Variants in STAG2 observed in about 807,000 individuals in gnomAD.
STAG2 encodes the protein cohesin subunit SA-2.
STAG2 carries 14 observed loss-of-function variants against 108.1 expected under a neutral mutation model. The ratio of observed to expected loss-of-function variants is 0.13; its 90% CI spans 0.09 to 0.20. The LOEUF is 0.20. Among genes scored for constraint, STAG2 ranks in the 10% least tolerant of loss-of-function variants. The pLI is 1.00. For synonymous variants in STAG2, 307 were observed against 302.7 expected, an observed-to-expected ratio of 1.01 and a Z score of -0.15; for missense variants, 440 against 940.9, an observed-to-expected ratio of 0.47 and a Z score of 6.96.
chrX:124,039,369 G>A (rs1289828008), intron 6 of STAG2, among the ~76,000 whole-genome samples: 2 of 109,383 alleles, frequency 1.8e-5, no homozygotes, highest in East Asian at 2.9e-4. Context: ...GTTTTGCCAT[G>A]TTGCCCAGGC....
Position 124,030,980 on chromosome X carries a change from A to G in STAG2, c.143A>G (p.Lys48Arg), listed in dbSNP as rs745799850. Residue 48 changes from lysine to arginine, a missense_variant, in exon 5 of 35, where the codon AAG becomes AGG. Lys to Arg is a conservative substitution (Grantham distance 26). Coordinates refer to ENST00000371145, the MANE Select transcript of STAG2 (RefSeq NM_001042750.2). ...GKGKTCKKGKKGPAEKGKGGN... is the reference protein window; with the variant it reads ...GKGKTCKKGKRGPAEKGKGGN... The stretch of plus-strand genomic sequence containing the variant: ...ATGCAGACTTGTAAAAAAGGCAAAA[A>G]GGGCCCAGCAGAAAAGGGCAAAGGT... 2.7e-5 allele frequency: 32 copies of G among 1,194,692 alleles called. No individual in the cohort carries two copies. The highest frequency in any genetic ancestry group is 3.4e-5 in the Non-Finnish European group (30 of 890,297).
At chrX:124,014,656 C>A (rs1006814122) in intron 1 of STAG2, among the ~76,000 whole-genome samples, 1 of 111,185 alleles carries the variant, frequency 9.0e-6, no homozygotes, top group Non-Finnish European at 1.9e-5. Context: ...CTACTGCACC[C>A]GGCCTGTCCT....
intron 6 of STAG2, among the ~76,000 whole-genome samples, chrX:124,040,968 C>T (rs2057698025): frequency 1.0e-5 from 1 of 99,869 alleles, no homozygotes; most frequent in African/African-American, 3.7e-5. Context: ...TCAAGCGTTT[C>T]TCCTACCTCA....
chrX:124,014,249 A>C (rs939254891), intron 1 of STAG2, among the ~76,000 whole-genome samples: 1 of 112,208 alleles, frequency 8.9e-6, no homozygotes, highest in African/African-American at 3.2e-5. Flanking sequence ...ATTCCTGAAA[A>C]TAAAAGTTAT....
chrX:124,068,537 T>A (rs770684788), intron 23 of STAG2, 27 bp from the exon 24 acceptor site: 6 of 1,063,986 alleles, frequency 5.6e-6, no homozygotes, highest in Non-Finnish European at 6.4e-6. Context: ...CAATATTTTT[T>A]AAAAGTTAAT....
intron 13 of STAG2, among the ~76,000 whole-genome samples, chrX:124,051,715 C>CCAA (rs2058045926): frequency 9.1e-6 from 1 of 110,193 alleles, no homozygotes; most frequent in Admixed American, 9.6e-5. Context: ...CTCAGCCTCC[C>CCAA]GAGTAGCTGG....
chrX:124,100,541 A>G, intron 34 of STAG2, 33 bp from the exon 35 acceptor site: 1 of 1,157,597 alleles, frequency 8.6e-7, no homozygotes, highest in Non-Finnish European at 1.2e-6. Flanking sequence ...ATGACTTTTA[A>G]CGAGATTTTC....
At chrX:124,001,970 T>C (rs2056064848) in intron 1 of STAG2, among the ~76,000 whole-genome samples, 1 of 112,207 alleles carries the variant, frequency 8.9e-6, no homozygotes. Flanking sequence ...ACACCTGTAA[T>C]CTCAGCACTT....
intron 1 of STAG2, among the ~76,000 whole-genome samples, chrX:124,014,512 C>T (rs1218699197): frequency 2.7e-5 from 3 of 110,389 alleles, no homozygotes; most frequent in Non-Finnish European, 5.7e-5. Context: ...AGGCCTGTGC[C>T]ACCATGCCCA....
chrX:124,060,877 T>C (rs772993418), intron 15 of STAG2, among the ~76,000 whole-genome samples: 14 of 109,227 alleles, frequency 1.3e-4, no homozygotes, highest in Non-Finnish European at 2.3e-4. Flanking sequence ...TGAGCCGAGA[T>C]AGCACCACTT....
chrX:124,095,503 C>T (rs1207400344), intron 34 of STAG2, 54 bp downstream of exon 34: 32 of 996,575 alleles, frequency 3.2e-5, no homozygotes, highest in Non-Finnish European at 3.8e-5. Flanking sequence ...TATAGGCAGT[C>T]TCTCAGTTTG....
chrX:124,079,432 C>T (rs373471095), intron 27 of STAG2, among the ~76,000 whole-genome samples: 173 of 111,104 alleles, frequency 1.6e-3, no homozygotes, highest in African/African-American at 5.3e-3. Flanking sequence ...AGCCACCGTA[C>T]CCAGCCAGGA....
At chrX:123,995,432 C>T (rs2055683703) in intron 1 of STAG2, among the ~76,000 whole-genome samples, 1 of 111,832 alleles carries the variant, frequency 8.9e-6, no homozygotes, top group African/African-American at 3.3e-5. Context: ...CAGTGGCTCA[C>T]GCCTGTAATC....
chrX:124,038,427 G>T (rs183549939), intron 6 of STAG2, among the ~76,000 whole-genome samples: 51 of 109,039 alleles, frequency 4.7e-4, no homozygotes, highest in African/African-American at 1.7e-3. Context: ...TTTTTTTAAT[G>T]AAAGTGGCAT....
chrX:124,028,139 A>G (rs2057169416), intron 4 of STAG2, among the ~76,000 whole-genome samples: 1 of 111,674 alleles, frequency 9.0e-6, no homozygotes, highest in Non-Finnish European at 1.9e-5. Flanking sequence ...ACTGGGGACA[A>G]AAGCCTTTCA....
intron 25 of STAG2, among the ~76,000 whole-genome samples, chrX:124,072,880 TTTTCTTTCTTTC>T (rs1173440485): frequency 4.0e-5 from 4 of 100,936 alleles, no homozygotes; most frequent in Admixed American, 1.1e-4. Context: ...TTTCTTTTTT[TTTTCTTTCTTTC>T]TTTCTTTCTT....
chrX:123,988,662 C>T (rs1215624628), intron 1 of STAG2, among the ~76,000 whole-genome samples: 1 of 111,531 alleles, frequency 9.0e-6, no homozygotes, highest in Non-Finnish European at 1.9e-5. Flanking sequence ...TCATTGCTTC[C>T]ATAAAAAAGA....
intron 1 of STAG2, among the ~76,000 whole-genome samples, chrX:123,966,015 A>G (rs1002019081): frequency 4.5e-5 from 5 of 111,073 alleles, no homozygotes; most frequent in African/African-American, 1.6e-4. Flanking sequence ...AATTAAAAAT[A>G]AACTAAAATG....
chrX:124,042,401 G>A (rs1265126480), intron 6 of STAG2, among the ~76,000 whole-genome samples, 168 bp from the exon 7 acceptor site: 1 of 112,157 alleles, frequency 8.9e-6, no homozygotes, highest in African/African-American at 3.2e-5. Context: ...ATTTGTTTGT[G>A]CTTTATTTAT....
Sources: allele counts gnomAD v4.1 joint callset (sites outside exome capture counted in the v4.1 genomes callset), GRCh38; gene constraint gnomAD v4.1.1; transcripts MANE v1.5; gene names NCBI Gene and HGNC (gene_info 2026-07-23, HGNC 2026-07-21).